The following KIR3DL2 variants were observed in gnomAD, a reference collection of about 807,000 sequenced individuals.
The protein encoded by KIR3DL2 is killer cell immunoglobulin like receptor, three Ig domains and long cytoplasmic tail 2.
KIR3DL2 carries 42 observed loss-of-function variants against 41.6 expected under a neutral mutation model. The ratio of observed to expected loss-of-function variants is 1.01; its 90% confidence interval spans 0.79 to 1.31. The LOEUF (loss-of-function observed/expected upper bound fraction) is 1.31, where lower values mean the gene tolerates loss of function less well. Among genes scored for constraint, KIR3DL2 ranks in the 50% most tolerant of loss-of-function variants. The pLI, the probability that KIR3DL2 is intolerant of heterozygous loss-of-function variation, is 0.00. For synonymous variants in KIR3DL2, 230 were observed against 221.3 expected (o/e 1.04, Z -0.35); for missense variants, 728 against 576.8 (o/e 1.26, Z -2.68).
At chr19:54,862,802 C>CTTTTTTTTTTTTTTTTT (rs1210198153) in intron 6 of KIR3DL2, among the ~76,000 whole-genome samples, 9 of 79,764 alleles carry the variant, frequency 1.1e-4, no homozygotes, top group Non-Finnish European at 1.9e-4. Context: ...TGGGTTACTT[C>CTTTTTTTTTTTTTTTTT]TTTTTTTTTT....
At chr19:54,851,377 G>A (rs1371726885) in intron 2 of KIR3DL2, 122 bp downstream of exon 2, 8 of 1,098,722 alleles carry the variant, frequency 7.3e-6, no homozygotes, top group African/African-American at 3.3e-5. Flanking sequence ...TTGGATACTC[G>A]GCCCACATTT....
intron 7 of KIR3DL2, among the ~76,000 whole-genome samples, 158 bp downstream of exon 7, chr19:54,866,067 C>T (rs1157863823): frequency 6.6e-6 from 1 of 152,044 alleles, no homozygotes; most frequent in Non-Finnish European, 1.5e-5. Context: ...ACAACCTGCC[C>T]CTGCCTTCAG....
intron 6 of KIR3DL2, among the ~76,000 whole-genome samples, chr19:54,865,388 G>A (rs184322202): frequency 2.0e-5 from 3 of 152,056 alleles, no homozygotes; most frequent in Admixed American, 6.5e-5. Context: ...AAGGGGGAGG[G>A]CGAGCGATGG....
chr19:54,851,174 C>T, intron 1 of KIR3DL2, 46 bp from the exon 2 acceptor site: 1 of 1,608,462 alleles, frequency 6.2e-7, no homozygotes, highest in South Asian at 1.1e-5. Flanking sequence ...GCAGGGTGCC[C>T]TGGTTTGCCT....
intron 5 of KIR3DL2, among the ~76,000 whole-genome samples, chr19:54,857,855 T>C (rs1035706975): frequency 1.3e-5 from 2 of 151,824 alleles, no homozygotes; most frequent in African/African-American, 2.4e-5. Context: ...GGCATTTTAA[T>C]GGGATGAGAT....
intron 5 of KIR3DL2, 71 bp from the exon 6 acceptor site, chr19:54,859,008 C>T: frequency 2.8e-6 from 4 of 1,427,056 alleles, no homozygotes; most frequent in Non-Finnish European, 3.9e-6. Context: ...CATGAACCAA[C>T]CTCAAAGATT....
chr19:54,851,588 G>A (rs1348586973), intron 2 of KIR3DL2, among the ~76,000 whole-genome samples: 6 of 151,418 alleles, frequency 4.0e-5, no homozygotes, highest in Admixed American at 2.0e-4. Context: ...TTTCCGTGAC[G>A]GTAGGGGCTG....
chr19:54,856,606 G>C (rs1430211680), intron 5 of KIR3DL2, among the ~76,000 whole-genome samples: 38 of 152,146 alleles, frequency 2.5e-4, no homozygotes, highest in Middle Eastern at 3.4e-3. Context: ...AGCACTTAAA[G>C]CCAGGAGGCA....
In KIR3DL2 at chr19:54,851,980, T is replaced by A; in HGVS notation, c.71-18T>A. 1 of 1,605,912 alleles carries A rather than the reference T, an allele frequency of 6.2e-7. No individual in the cohort carries two copies. On this transcript the variant is annotated intron_variant, in intron 2 of 8. Transcript: ENST00000326321. ...CTCCACATCCTCCTCTCTAAGGCAG[T>A]GCCTCCTTCTCCCCCAGGTGGTCAG...
intron 6 of KIR3DL2, among the ~76,000 whole-genome samples, chr19:54,859,674 G>A (rs768852614): frequency 6.6e-6 from 1 of 151,682 alleles, no homozygotes; most frequent in Admixed American, 6.6e-5. Flanking sequence ...TCCTATTGTT[G>A]CCATAACAAA....
chr19:54,857,990 C>CT (rs766968803), intron 5 of KIR3DL2, among the ~76,000 whole-genome samples: 1 of 151,624 alleles, frequency 6.6e-6, no homozygotes, highest in Non-Finnish European at 1.5e-5. Flanking sequence ...GTCTTTTGCT[C>CT]GTTTTTTAAT....
At position 54,853,055 on chromosome 19, in the gene KIR3DL2, A is replaced by G. The variant is rs2064422857; in HGVS notation, c.356-692A>G. 4.0e-5 allele frequency among the ~76,000 whole-genome samples: 6 copies of G among 151,328 alleles called. No individual in the cohort carries two copies. The South Asian group carries it at 1.0e-3, about 26-fold the overall frequency. On this transcript the variant is annotated intron_variant, in intron 3 of 8. Transcript: ENST00000326321. ...AACCGGGGAGGCAGAGGTTGCAGTGAGCCAAGACAACACCACTGCACTCCA... is the reference window on the plus strand; with the variant it reads ...AACCGGGGAGGCAGAGGTTGCAGTGGGCCAAGACAACACCACTGCACTCCA...
At position 54,855,061 on chromosome 19, in the gene KIR3DL2, A is replaced by ATGATGAT. The variant is rs1556681190; in HGVS notation, c.656-558_656-557insTGATGAT. On this transcript the variant is annotated intron_variant, in intron 4 of 8. Transcript: ENST00000326321. ...CATAGAGATGATGATGATGATGATGAAGATAGATAGAAGACACATATATAA... is the reference window on the plus strand; with the variant it reads ...CATAGAGATGATGATGATGATGATGATGATGATAGATAGATAGAAGACACATATATAA... 2.7e-5 allele frequency among the ~76,000 whole-genome samples: 4 copies of ATGATGAT among 148,160 alleles called. No homozygotes were observed. In the East Asian group the frequency reaches 7.9e-4, roughly 29 times the overall value.
chr19:54,855,943 T>C, intron 5 of KIR3DL2, 31 bp downstream of exon 5: 1 of 1,611,348 alleles, frequency 6.2e-7, no homozygotes, highest in Non-Finnish European at 8.5e-7. Context: ...TCCCATGTCT[T>C]ATGATCCTAG....
Position 54,857,949 on chromosome 19 carries a change from A to G in KIR3DL2, c.950-1130A>G, listed in dbSNP as rs1472721917. ...TTTCATATACGTGATCGCCATTTCT[A>G]TGTTTTGTTTGTGGAGAAATGTCTC... On this transcript the variant is annotated intron_variant, in intron 5 of 8. Coordinates refer to ENST00000326321, the MANE Select transcript of KIR3DL2 (RefSeq NM_006737.4). 1.6e-3 allele frequency among the ~76,000 whole-genome samples: 242 copies of G among 151,828 alleles called. 1 individual carries two copies. The highest frequency in any genetic ancestry group is 1.9e-4 in the Non-Finnish European group (13 of 67,998).
chr19:54,860,096 A>G (rs1056588324), intron 6 of KIR3DL2, among the ~76,000 whole-genome samples: 1 of 152,104 alleles, frequency 6.6e-6, no homozygotes, highest in Non-Finnish European at 1.5e-5. Flanking sequence ...AGTTCAGCTG[A>G]CTAGCAACCA....
intron 7 of KIR3DL2, 115 bp from the exon 8 acceptor site, chr19:54,866,255 G>T: frequency 1.0e-6 from 1 of 995,088 alleles, no homozygotes; most frequent in Non-Finnish European, 1.5e-6. Context: ...TCTGGATGTT[G>T]GCAGCTGAAG....
intron 6 of KIR3DL2, among the ~76,000 whole-genome samples, chr19:54,861,283 TCTAAATCAATAC>T (rs2065160699): frequency 6.9e-6 from 1 of 145,318 alleles, no homozygotes; most frequent in Admixed American, 7.0e-5. Context: ...TTCTCCTGCA[TCTAAATCAATAC>T]CTGGCAGAGG....
intron 6 of KIR3DL2, among the ~76,000 whole-genome samples, chr19:54,864,637 C>T (rs1441307415): frequency 6.6e-6 from 1 of 151,996 alleles, no homozygotes; most frequent in African/African-American, 2.4e-5. Context: ...TGGGAGTTCA[C>T]TCATGATTTG....
Sources: allele counts gnomAD v4.1 joint callset (sites outside exome capture counted in the v4.1 genomes callset), GRCh38; gene constraint gnomAD v4.1.1; transcripts MANE v1.5; gene names NCBI Gene and HGNC (gene_info 2026-07-23, HGNC 2026-07-21).